Variants in UVSSA observed in about 807,000 individuals in gnomAD.
UVSSA encodes the protein UV-stimulated scaffold protein A.
In UVSSA, 72 loss-of-function variants were observed where a neutral mutation model predicts 73.9. The observed-to-expected ratio is 0.97, with a 90% confidence interval of 0.81 to 1.19. UVSSA has a LOEUF of 1.19. Ranked by LOEUF, UVSSA falls within the 50% of genes most tolerant of loss-of-function variation. UVSSA has a pLI of 0.00. For missense variants in UVSSA, 1,150 were observed against 965.0 expected, an observed-to-expected ratio of 1.19 and a Z score of -2.54; for synonymous variants, 454 against 391.3, an observed-to-expected ratio of 1.16 and a Z score of -1.89.
rs997985400 is a variant in UVSSA, at chr4:1,347,690, C to A, written c.-73C>A. On this transcript the variant is annotated 5_prime_UTR_variant, in exon 1 of 14. Coordinates refer to ENST00000389851, the MANE Select transcript of UVSSA (RefSeq NM_020894.4). Reference sequence around the variant, plus strand: ...CCCCTGCTCTCCGGACGCGACTTTTCATTGGTCTCAGAATTTCTTGGCTCC... The same window carrying A: ...CCCCTGCTCTCCGGACGCGACTTTTAATTGGTCTCAGAATTTCTTGGCTCC... The A allele has an allele frequency of 3.6e-5, 6 of 167,798 alleles. No individual in the cohort carries two copies. The highest frequency in any genetic ancestry group is 7.8e-5 in the Non-Finnish European group (6 of 77,084). 10.4% of individuals were successfully genotyped at this position (167,798 alleles called of 1,614,324 possible).
rs1379626318 is a variant in UVSSA, at chr4:1,353,233, T to C, written c.754T>C (p.Cys252Arg). 6.2e-7 allele frequency: 1 copy of C among 1,612,020 alleles called. No homozygotes were observed. Among genetic ancestry groups the C allele is most frequent in the East Asian group, 2.2e-5 (1 of 44,864 alleles). Residue 252 changes from cysteine (C) to arginine (R), a missense_variant, in exon 5 of 14, where the codon TGC becomes CGC. Transcript: ENST00000389851. ...TPDPRDGEQP[C>R]CSRDLPASAG... ...TGACCCCCGGGACGGGGAGCAGCCC[T>C]GCTGCAGTAGAGACCTGCCTGCCTC... is the stretch of plus-strand genomic sequence containing the variant.
At position 1,366,376 on chromosome 4, in the gene UVSSA, C is replaced by G. The variant is rs1717327861; in HGVS notation, c.1233C>G (p.Val411=). 1 of 1,613,300 alleles carries G rather than the reference C, an allele frequency of 6.2e-7. No homozygotes were observed. The change falls in exon 8 of 14, where the codon GTC becomes GTG. Residue 411 remains valine (V), a synonymous_variant. Transcript: ENST00000389851. ...EDEDDEDFVE[V]PEKEGYEPHI... ...AGGACGATGAGGACTTTGTGGAGGT[C>G]CCTGAGAAGGAGGGGTATGAGCCAC...
At chr4:1,354,925 G>T in intron 6 of UVSSA, 78 bp downstream of exon 6, 1 of 1,532,970 alleles carries the variant, frequency 6.5e-7, no homozygotes, top group East Asian at 2.4e-5. Context: ...CTTTCTTGGG[G>T]GGACTGTGGC....
At chr4:1,370,421 C>T (rs1717889920) in intron 8 of UVSSA, among the ~76,000 whole-genome samples, 32 of 152,248 alleles carry the variant, frequency 2.1e-4, no homozygotes, top group Admixed American at 2.1e-3. Flanking sequence ...GGGTGCGCGC[C>T]TCGGGGCTGG....
At chr4:1,394,900 G>C (rs759644883) in exon 14 of UVSSA, 1 of 1,454,048 alleles carries the variant, frequency 6.9e-7, no homozygotes, top group Non-Finnish European at 9.0e-7. Flanking sequence ...CTGCTCACAC[G>C]TGCCCATGCG....
At chr4:1,354,903 TGGG>T in intron 6 of UVSSA, 56 bp downstream of exon 6, 1 of 1,460,304 alleles carries the variant, frequency 6.8e-7, no homozygotes, top group Non-Finnish European at 9.3e-7. Flanking sequence ...GTGCCATGCA[TGGG>T]GGGGGTCCCT....
At chr4:1,388,155 ATATTTTAT>A (rs1720283125), downstream of UVSSA, 2 of 152,238 alleles carry the variant, frequency 1.3e-5, no homozygotes, top group African/African-American at 4.8e-5. Context: ...AAATTTACTC[ATATTTTAT>A]TATTTTTGAT....
chr4:1,361,103 G>T (rs1716563026), intron 7 of UVSSA, among the ~76,000 whole-genome samples: 1 of 152,250 alleles, frequency 6.6e-6, no homozygotes, highest in African/African-American at 2.4e-5. Flanking sequence ...CTGGCAGGCA[G>T]CCCCGGGGAC....
chr4:1,378,276 G>T (rs1212217459), intron 10 of UVSSA, among the ~76,000 whole-genome samples: 1 of 152,230 alleles, frequency 6.6e-6, no homozygotes, highest in Non-Finnish European at 1.5e-5. Flanking sequence ...GCCCTGGCTG[G>T]GTACAGTGGC....
At chr4:1,375,303 GCC>G in intron 8 of UVSSA, 59 bp from the exon 9 acceptor site, 10 of 1,600,298 alleles carry the variant, frequency 6.2e-6, no homozygotes, top group Middle Eastern at 1.7e-4. Flanking sequence ...GCCCGGTCTT[GCC>G]TGATGTGCCT....
At chr4:1,385,579 G>A (rs1310725920) in intron 13 of UVSSA, 10 of 456,650 alleles carry the variant, frequency 2.2e-5, no homozygotes, top group South Asian at 7.3e-5. Context: ...GGGAGGCCAC[G>A]GGAGAAGTGC....
At chr4:1,348,217 C>G (rs1232310936) in intron 2 of UVSSA, 28 bp downstream of exon 2, 3 of 1,560,474 alleles carry the variant, frequency 1.9e-6, no homozygotes, top group Non-Finnish European at 2.6e-6. Context: ...GTAACAGTAA[C>G]TGACTGGCCC....
intron 8 of UVSSA, among the ~76,000 whole-genome samples, chr4:1,370,339 G>A (rs1246225892): frequency 6.6e-6 from 1 of 152,224 alleles, no homozygotes; most frequent in African/African-American, 2.4e-5. Flanking sequence ...GGGGCACTTG[G>A]CAGGTTTGTG....
intron 4 of UVSSA, 115 bp downstream of exon 4, chr4:1,351,950 G>T (rs1483265124): frequency 6.7e-7 from 1 of 1,487,908 alleles, no homozygotes; most frequent in Admixed American, 2.2e-5. Flanking sequence ...TTTGAGACAG[G>T]CTAGGTGGAG....
intron 8 of UVSSA, among the ~76,000 whole-genome samples, chr4:1,368,793 A>G (rs1717659142): frequency 6.6e-6 from 1 of 152,230 alleles, no homozygotes; most frequent in Non-Finnish European, 1.5e-5. Flanking sequence ...TCAGCAGATG[A>G]TGAGCTGTCC....
chr4:1,375,367 T>C lies in UVSSA; in HGVS notation c.1292T>C (p.Leu431Pro). The C allele has an allele frequency of 6.2e-7, 1 of 1,613,428 alleles. No homozygotes were observed. Among genetic ancestry groups the C allele is most frequent in the Non-Finnish European group, 8.5e-7 (1 of 1,179,900 alleles). The change falls in exon 9 of 14, where the codon CTG (leucine) becomes CCG (proline). Residue 431 changes from leucine to proline, a missense_variant. Coordinates refer to ENST00000389851, the MANE Select transcript of UVSSA (RefSeq NM_020894.4). The part of the protein sequence containing the change: ...IPDHLRPEYG[L>P]EAAPEKDTVV... ...AGTGGACACGTGTCTGTTTCAGGGC[T>C]GGAGGCAGCACCAGAGAAAGACACA...
At chr4:1,395,255 T>G (rs1577397233) in exon 14 of UVSSA, 1 of 1,429,888 alleles carries the variant, frequency 7.0e-7, no homozygotes, top group South Asian at 1.2e-5. Flanking sequence ...CCATGTGGAG[T>G]GCCCGCCTGC....
At chr4:1,394,294 C>T in exon 14 of UVSSA, 1 of 881,618 alleles carries the variant, frequency 1.1e-6, no homozygotes, top group Non-Finnish European at 1.7e-6. Context: ...GTTGAATTAT[C>T]AATCTTTCTT....
intron 10 of UVSSA, among the ~76,000 whole-genome samples, chr4:1,377,529 G>T (rs566388094): frequency 1.3e-5 from 2 of 152,212 alleles, no homozygotes; most frequent in South Asian, 2.1e-4. Context: ...GCCACCAGGG[G>T]TGCCCCAAGG....
Sources: gnomAD v4.1 joint callset for allele counts (sites outside exome capture counted in the v4.1 genomes callset) on GRCh38, gnomAD v4.1.1 for gene constraint, MANE v1.5 for transcripts, NCBI Gene and HGNC (gene_info 2026-07-23, HGNC 2026-07-21) for gene names.